KCNJ6: variants seen among roughly 807,000 people sequenced by gnomAD.
KCNJ6 encodes the protein potassium inwardly rectifying channel subfamily J member 6.
A neutral mutation model predicts 34.2 loss-of-function variants in KCNJ6; 9 were observed. The observed-to-expected ratio is 0.26, with a 90% confidence interval of 0.16 to 0.46. KCNJ6 has a LOEUF of 0.46. KCNJ6 is among the 20% of genes least tolerant of loss of function. The pLI is 1.00. For synonymous variants in KCNJ6, 196 were observed against 207.1 expected (o/e 0.95, Z 0.46); for missense variants, 236 against 531.3 (o/e 0.44, Z 5.46).
intron 3 of KCNJ6, among the ~76,000 whole-genome samples, chr21:37,637,931 G>A (rs2054365159): frequency 6.6e-6 from 1 of 152,140 alleles, no homozygotes; most frequent in Admixed American, 6.5e-5. Flanking sequence ...CCTTGATCTT[G>A]GACTTTCAGC....
intron 1 of KCNJ6, among the ~76,000 whole-genome samples, chr21:37,889,136 C>G (rs117726989): frequency 6.6e-6 from 1 of 152,118 alleles, no homozygotes; most frequent in African/African-American, 2.4e-5. Context: ...GTGAACCACA[C>G]GTGACTGAGG....
At chr21:37,915,081 C>T (rs1357128657) in intron 1 of KCNJ6, among the ~76,000 whole-genome samples, 1 of 152,142 alleles carries the variant, frequency 6.6e-6, no homozygotes, top group East Asian at 1.9e-4. Flanking sequence ...ACAGATGTAC[C>T]TGTGGATCCA....
At chr21:37,739,112 T>A (rs2054927079) in intron 2 of KCNJ6, among the ~76,000 whole-genome samples, 1 of 152,194 alleles carries the variant, frequency 6.6e-6, no homozygotes, top group Non-Finnish European at 1.5e-5. Context: ...AGGGGATTTT[T>A]GAAGAGTAAT....
intron 2 of KCNJ6, among the ~76,000 whole-genome samples, chr21:37,773,973 A>G (rs2055129942): frequency 1.3e-5 from 2 of 152,164 alleles, no homozygotes; most frequent in African/African-American, 4.8e-5. Flanking sequence ...GATGATTTCC[A>G]AAACACTGTT....
chr21:37,819,507 A>T (rs1343248034), intron 2 of KCNJ6, among the ~76,000 whole-genome samples: 8 of 152,200 alleles, frequency 5.3e-5, no homozygotes, highest in African/African-American at 9.6e-5. Context: ...TTAAGGAAAA[A>T]AAAAACTTCC....
chr21:37,662,722 C>G (rs1017163155), intron 3 of KCNJ6, among the ~76,000 whole-genome samples: 6 of 152,178 alleles, frequency 3.9e-5, no homozygotes, highest in Admixed American at 2.0e-4. Context: ...TACATTCCCA[C>G]CAACAGTGTA....
At chr21:37,682,577 T>C (rs1569444531) in intron 3 of KCNJ6, among the ~76,000 whole-genome samples, 1 of 152,110 alleles carries the variant, frequency 6.6e-6, no homozygotes, top group Non-Finnish European at 1.5e-5. Flanking sequence ...AGGGCAATTG[T>C]CATTGGATTT....
intron 2 of KCNJ6, among the ~76,000 whole-genome samples, chr21:37,773,244 G>A (rs576958513): frequency 5.1e-4 from 78 of 152,292 alleles, no homozygotes; most frequent in African/African-American, 1.7e-3. Flanking sequence ...AGGCTTCACG[G>A]CATAGCAGGA....
At chr21:37,645,580 G>T (rs1446947298) in intron 3 of KCNJ6, among the ~76,000 whole-genome samples, 1 of 152,130 alleles carries the variant, frequency 6.6e-6, no homozygotes, top group Non-Finnish European at 1.5e-5. Flanking sequence ...TGTTTGTGAA[G>T]GTCTGTGGAT....
At chr21:37,753,597 G>T (rs2055008004) in intron 2 of KCNJ6, among the ~76,000 whole-genome samples, 1 of 152,222 alleles carries the variant, frequency 6.6e-6, no homozygotes, top group Non-Finnish European at 1.5e-5. Flanking sequence ...TGTGCAAAGG[G>T]CAGTCTGGAG....
chr21:37,874,068 T>A (rs1274908472), intron 1 of KCNJ6, among the ~76,000 whole-genome samples: 1 of 152,144 alleles, frequency 6.6e-6, no homozygotes, highest in African/African-American at 2.4e-5. Context: ...TTCCTCTGCC[T>A]CCATCTCTCT....
chr21:37,908,729 T>TA (rs886127091), intron 1 of KCNJ6, among the ~76,000 whole-genome samples: 5 of 152,208 alleles, frequency 3.3e-5, no homozygotes, highest in Admixed American at 1.3e-4. Flanking sequence ...TAATTTATTT[T>TA]AAAAAAATAC....
At chr21:37,701,302 G>A (rs1208142191) in intron 3 of KCNJ6, among the ~76,000 whole-genome samples, 1 of 152,206 alleles carries the variant, frequency 6.6e-6, no homozygotes, top group Non-Finnish European at 1.5e-5. Flanking sequence ...CCTTGAAGGA[G>A]ACAGGGAGGA....
chr21:37,684,235 G>A (rs55680031), intron 3 of KCNJ6, among the ~76,000 whole-genome samples: 14,395 of 152,156 alleles, frequency 0.095, 1,633 homozygotes, highest in African/African-American at 0.27. Context: ...CCTCTCCCCC[G>A]GGTTATGGTA....
intron 1 of KCNJ6, among the ~76,000 whole-genome samples, chr21:37,847,638 T>C (rs78154286): frequency 0.011 from 1,679 of 152,168 alleles, 16 homozygotes; most frequent in South Asian, 0.03. Context: ...GAAGGCAAGA[T>C]GTGTAGAGAA....
At chr21:37,841,979 T>C (rs749888177) in intron 1 of KCNJ6, among the ~76,000 whole-genome samples, 3 of 152,184 alleles carry the variant, frequency 2.0e-5, no homozygotes, top group Non-Finnish European at 4.4e-5. Context: ...TTCTGACATA[T>C]AGTGCTCAAT....
At chr21:37,871,048 T>C (rs2055649286) in intron 1 of KCNJ6, among the ~76,000 whole-genome samples, 1 of 152,198 alleles carries the variant, frequency 6.6e-6, no homozygotes, top group Non-Finnish European at 1.5e-5. Context: ...CTCCCATTCA[T>C]TACCTTTTTT....
intron 1 of KCNJ6, among the ~76,000 whole-genome samples, chr21:37,851,660 G>C (rs117697909): frequency 0.01 from 1,528 of 152,098 alleles, 10 homozygotes; most frequent in Middle Eastern, 0.037. Flanking sequence ...CCTAATCTCT[G>C]TTGTTCTTTT....
intron 2 of KCNJ6, chr21:37,719,367 T>A (rs539361257): frequency 6.6e-6 from 1 of 152,302 alleles, no homozygotes; most frequent in Admixed American, 6.5e-5. Context: ...GAGCGGGGGA[T>A]CTGAATCGCA....
Sources: allele counts gnomAD v4.1 joint callset (sites outside exome capture counted in the v4.1 genomes callset), GRCh38; gene constraint gnomAD v4.1.1; transcripts MANE v1.5; gene names NCBI Gene and HGNC (gene_info 2026-07-23, HGNC 2026-07-21).